PIEZO2: variants seen among roughly 807,000 people sequenced by gnomAD.
PIEZO2 encodes the protein piezo type mechanosensitive ion channel component 2.
In PIEZO2, 172 loss-of-function variants were observed where a neutral mutation model predicts 337.3. That is an observed-to-expected ratio of 0.51 (90% CI 0.45 to 0.58). PIEZO2 has a LOEUF of 0.58. Among genes scored for constraint, PIEZO2 ranks in the 20% least tolerant of loss-of-function variants. The probability of loss-of-function intolerance (pLI) is 0.00; values close to 1 mark genes in which losing one functional copy is unlikely to be tolerated. For synonymous variants in PIEZO2, 1,251 were observed against 1,228.5 expected (o/e 1.02, Z -0.38); for missense variants, 3,028 against 3,391.3 (o/e 0.89, Z 2.66).
chr18:10,721,360 C>T (rs529323370), intron 36 of PIEZO2, among the ~76,000 whole-genome samples: 3 of 152,140 alleles, frequency 2.0e-5, no homozygotes, highest in African/African-American at 4.8e-5. Context: ...GAAGACATGA[C>T]GCCTCGTACC....
In PIEZO2 at chr18:10,788,465, AG is replaced by A. The variant is rs1231543331; in HGVS notation, c.2169+613del. 6.1e-4 allele frequency among the ~76,000 whole-genome samples: 89 copies of A among 147,076 alleles called. 2 individuals carry two copies. In the East Asian group the frequency reaches 0.017, roughly 27 times the overall value. On this transcript the variant is annotated intron_variant, in intron 15 of 55. Transcript: ENST00000674853. ...AAGGAAGGAAGGAAGGAAGGAAGGAAGGAAGGAAGGAAGAAATAGAAATGTA... is the reference window on the plus strand; with the variant it reads ...AAGGAAGGAAGGAAGGAAGGAAGGAAGAAGGAAGGAAGAAATAGAAATGTA...
In PIEZO2 at chr18:10,870,469, TATAA is replaced by T. The variant is rs970227020; in HGVS notation, c.492+780_492+783del. Among the ~76,000 whole-genome samples the T allele has an allele frequency of 1.3e-5, 2 of 152,202 alleles. No homozygotes were observed. The highest frequency in any genetic ancestry group is 4.8e-5 in the African/African-American group (2 of 41,456). Reference sequence around the variant, plus strand: ...CAAATAAAATAGTCACTTTTTCCTTTATAAATGTTATCTTTCCACTAATAAATCA... The same window carrying T: ...CAAATAAAATAGTCACTTTTTCCTTTATGTTATCTTTCCACTAATAAATCA... On this transcript the variant is annotated intron_variant, in intron 5 of 55. Coordinates refer to ENST00000674853, the MANE Select transcript of PIEZO2 (RefSeq NM_001378183.1). This position sits in a 1 kb window ranked among gnomAD's most constrained non-coding sequence, Gnocchi z 5.3.
At chr18:10,777,508 T>A (rs2038831537) in intron 18 of PIEZO2, among the ~76,000 whole-genome samples, 1 of 152,242 alleles carries the variant, frequency 6.6e-6, no homozygotes, top group African/African-American at 2.4e-5. Context: ...GAAGAAATTT[T>A]ATGCACTGGA....
chr18:10,804,511 A>G (rs983616147), intron 8 of PIEZO2, among the ~76,000 whole-genome samples: 1 of 152,214 alleles, frequency 6.6e-6, no homozygotes, highest in Non-Finnish European at 1.5e-5. Context: ...GAGGAACAGA[A>G]GCGCTTCGGT....
At chr18:10,876,590 C>T (rs901818447) in intron 4 of PIEZO2, among the ~76,000 whole-genome samples, 1 of 152,188 alleles carries the variant, frequency 6.6e-6, no homozygotes, top group Non-Finnish European at 1.5e-5. Flanking sequence ...CACCCAACTA[C>T]CCATCCGTTC....
chr18:10,770,403 G>A, intron 20 of PIEZO2, 95 bp from the exon 21 acceptor site: 1 of 1,248,082 alleles, frequency 8.0e-7, no homozygotes, highest in South Asian at 1.7e-5. Context: ...ATGAGAGGCT[G>A]CAAAATAATT....
Position 11,148,777 on chromosome 18 carries a change from C to T in PIEZO2, c.-189G>A. The T allele has an allele frequency of 1.8e-6, 1 of 558,374 alleles. No homozygotes were observed. The highest frequency in any genetic ancestry group is 2.5e-5 in the South Asian group (1 of 40,134). 34.6% of individuals were successfully genotyped at this position (558,374 alleles called of 1,614,324 possible). A position where few individuals can be genotyped will look rare whatever the true frequency, so the allele number is the denominator to read the frequency against. ...GCTCCCGGGGCTCTTGGCCGCCCCT[C>T]GCCCACCGGGCTCTGGGTAGCCCCT... On this transcript the variant is annotated 5_prime_UTR_variant, in exon 1 of 56. Transcript: ENST00000674853. This position sits in a 1 kb window ranked among gnomAD's most constrained non-coding sequence, Gnocchi z 5.2.
Position 11,028,608 on chromosome 18 carries a change from T to C in PIEZO2, c.160+37519A>G, listed in dbSNP as rs1568309928. On this transcript the variant is annotated intron_variant, in intron 2 of 55. Coordinates refer to ENST00000674853, the MANE Select transcript of PIEZO2 (RefSeq NM_001378183.1). The surrounding 1 kb of genome is among the most constrained non-coding windows in gnomAD (Gnocchi z 4.8). ...TCATTGACACTGTCCTTCAGCTTTA[T>C]CTGAACACCCCCATAACAATGTGTG... 6.6e-6 allele frequency among the ~76,000 whole-genome samples: 1 copy of C among 152,160 alleles called. No homozygotes were observed. The highest frequency in any genetic ancestry group is 1.5e-5 in the Non-Finnish European group (1 of 68,022).
At chr18:10,956,681 A>G (rs997075515) in intron 3 of PIEZO2, among the ~76,000 whole-genome samples, 2 of 152,226 alleles carry the variant, frequency 1.3e-5, no homozygotes, top group African/African-American at 4.8e-5. Context: ...GCATAAAAAC[A>G]ACATCCAGGC....
chr18:10,839,474 T>G (rs934663461), intron 7 of PIEZO2, among the ~76,000 whole-genome samples: 2 of 152,122 alleles, frequency 1.3e-5, no homozygotes, highest in East Asian at 3.9e-4. Context: ...GGTAGAATGG[T>G]TTTTGGCAAC....
chr18:10,680,265 T>A lies in PIEZO2; in HGVS notation c.7886A>T (p.Lys2629Ile), dbSNP rs1288745995. 6.2e-7 allele frequency: 1 copy of A among 1,614,082 alleles called. No individual in the cohort carries two copies. ...GGGGTCCAGGAGTTCGTGTATCATT[T>A]TCTGCTTACTGGGTGGGCTGATGGT... ...LWTISPPSKQKMIHELLDPNS... is the reference protein window; with the variant it reads ...LWTISPPSKQIMIHELLDPNS... Residue 2629 changes from lysine to isoleucine, a missense_variant, in exon 52 of 56, where the codon AAA becomes ATA. Around this residue, in one of 5 missense-constraint regions of PIEZO2, gnomAD observed 332 missense variants for 363.8 expected, o/e 0.91. Transcript: ENST00000674853.
intron 2 of PIEZO2, among the ~76,000 whole-genome samples, chr18:11,045,406 C>T (rs575005566): frequency 4.6e-5 from 7 of 151,722 alleles, no homozygotes; most frequent in Admixed American, 4.6e-4. Flanking sequence ...TGAACAAAGC[C>T]AATGTAACAC....
At chr18:11,119,373 C>T (rs1053610013) in intron 1 of PIEZO2, among the ~76,000 whole-genome samples, 1 of 152,106 alleles carries the variant, frequency 6.6e-6, no homozygotes, top group African/African-American at 2.4e-5. Flanking sequence ...CTCTTGACCT[C>T]GTGATCCACC....
intron 4 of PIEZO2, among the ~76,000 whole-genome samples, chr18:10,882,889 A>C (rs1225138323): frequency 8.2e-5 from 10 of 122,508 alleles, no homozygotes; most frequent in Non-Finnish European, 1.6e-4. Flanking sequence ...ACCAGGCTGG[A>C]GTGCAGTGGT....
Position 10,803,855 on chromosome 18 carries a change from T to C in PIEZO2, c.1200+20A>G, listed in dbSNP as rs1443074317. 1.3e-6 allele frequency: 2 copies of C among 1,535,896 alleles called. No homozygotes were observed. The highest frequency in any genetic ancestry group is 8.7e-7 in the Non-Finnish European group (1 of 1,146,576). Reference sequence around the variant, plus strand: ...AAACAGAAAAATTAGGGAACGGAAATCCCTTTCATCATGGCTTACTTTTCT... The same window carrying C: ...AAACAGAAAAATTAGGGAACGGAAACCCCTTTCATCATGGCTTACTTTTCT... On this transcript the variant is annotated intron_variant, in intron 9 of 55. Coordinates refer to ENST00000674853, the MANE Select transcript of PIEZO2 (RefSeq NM_001378183.1).
Position 10,899,673 on chromosome 18 carries a change from C to T in PIEZO2, c.329+11513G>A, listed in dbSNP as rs2042994573. On this transcript the variant is annotated intron_variant, in intron 4 of 55. Coordinates refer to ENST00000674853, the MANE Select transcript of PIEZO2 (RefSeq NM_001378183.1). This position sits in a 1 kb window ranked among gnomAD's most constrained non-coding sequence, Gnocchi z 4.6. ...TTATACACTCAACACCCAACTGTTA[C>T]CTCCATATCAAACAGCATGAATTTC... 6.6e-6 allele frequency among the ~76,000 whole-genome samples: 1 copy of T among 152,192 alleles called. No homozygotes were observed. The highest frequency in any genetic ancestry group is 2.4e-5 in the African/African-American group (1 of 41,444).
At chr18:10,947,454 C>T (rs1245111192) in intron 3 of PIEZO2, among the ~76,000 whole-genome samples, 2 of 151,984 alleles carry the variant, frequency 1.3e-5, no homozygotes, top group African/African-American at 2.4e-5. Flanking sequence ...AAAGAGATTG[C>T]AAGTAAAAAG....
intron 4 of PIEZO2, among the ~76,000 whole-genome samples, chr18:10,881,850 C>T (rs1336137164): frequency 3.3e-5 from 5 of 152,140 alleles, no homozygotes; most frequent in Admixed American, 3.3e-4. Flanking sequence ...CAAAGTCCTC[C>T]CTCAGCCTGG....
rs1402221767 is a variant in PIEZO2 at position 10,672,257 on chromosome 18, A to G, written c.8345+433T>C. Among the ~76,000 whole-genome samples the G allele has an allele frequency of 6.6e-6, 1 of 152,094 alleles. No homozygotes were observed. The highest frequency in any genetic ancestry group is 2.4e-5 in the African/African-American group (1 of 41,400). ...AACTTTGAGAAATACAATATTTTAC[A>G]TTTGTGTCTTGTGGGGATGTGCGTG... On this transcript the variant is annotated intron_variant, in intron 55 of 55. Coordinates refer to ENST00000674853, the MANE Select transcript of PIEZO2 (RefSeq NM_001378183.1). This position sits in a 1 kb window ranked among gnomAD's most constrained non-coding sequence, Gnocchi z 4.7.
Sources: gnomAD v4.1 joint callset for allele counts (sites outside exome capture counted in the v4.1 genomes callset) on GRCh38, gnomAD v4.1.1 for gene constraint, gnomAD v4.1.1 regional missense constraint, Gnocchi (gnomAD v3.1) non-coding constraint, MANE v1.5 for transcripts, NCBI Gene and HGNC (gene_info 2026-07-23, HGNC 2026-07-21) for gene names.